Variants in NIM1K observed in about 807,000 individuals in gnomAD.
NIM1K encodes the protein NIM1 serine/threonine protein kinase.
A neutral mutation model predicts 37.1 loss-of-function variants in NIM1K; 35 were observed. The observed-to-expected ratio is 0.94, with a 90% CI of 0.72 to 1.25. NIM1K has a LOEUF of 1.25. Ranked by LOEUF, NIM1K falls within the 50% of genes most tolerant of loss-of-function variation. The probability of loss-of-function intolerance (pLI) is 0.00; values close to 1 mark genes in which losing one functional copy is unlikely to be tolerated. For missense variants in NIM1K, 564 were observed against 548.0 expected, an observed-to-expected ratio of 1.03 and a Z score of -0.29; for synonymous variants, 234 against 206.6, an observed-to-expected ratio of 1.13 and a Z score of -1.14.
At position 43,203,458 on chromosome 5, in the gene NIM1K, C is replaced by T. The variant is rs12658284; in HGVS notation, c.-695+11047C>T. 9.8e-3 allele frequency among the ~76,000 whole-genome samples: 1,490 copies of T among 152,218 alleles called. 85 individuals are homozygous for T. The East Asian group carries it at 0.16, about 16-fold the overall frequency. ...GGCAAACGTTGAACTGTGACGAATC[C>T]GGCTGTTTTTGTACCTCACTTCCAT... On this transcript the variant is annotated intron_variant, in intron 1 of 3. Coordinates refer to ENST00000326035, the MANE Select transcript of NIM1K (RefSeq NM_153361.4).
intron 1 of NIM1K, among the ~76,000 whole-genome samples, chr5:43,224,205 A>G (rs1419167927): frequency 6.6e-6 from 1 of 151,794 alleles, no homozygotes; most frequent in Non-Finnish European, 1.5e-5. Flanking sequence ...CACCCGGCCT[A>G]TTTTCATCAC....
At chr5:43,218,475 G>A (rs1429241900) in intron 1 of NIM1K, among the ~76,000 whole-genome samples, 1 of 152,172 alleles carries the variant, frequency 6.6e-6, no homozygotes, top group African/African-American at 2.4e-5. Context: ...TGAGACCTCA[G>A]GAAGTTTGCA....
chr5:43,195,661 C>CAAAAAAA (rs10556161), intron 1 of NIM1K, among the ~76,000 whole-genome samples: 2 of 112,088 alleles, frequency 1.8e-5, no homozygotes, highest in Non-Finnish European at 1.8e-5. Flanking sequence ...ACTCTGAATC[C>CAAAAAAA]AAAAAAAAAA....
intron 1 of NIM1K, among the ~76,000 whole-genome samples, chr5:43,197,532 AT>A (rs1263264065): frequency 1.3e-5 from 2 of 152,178 alleles, no homozygotes; most frequent in Non-Finnish European, 2.9e-5. Context: ...CTTTTTGGAA[AT>A]TTGAAATGTA....
intron 3 of NIM1K, among the ~76,000 whole-genome samples, chr5:43,278,919 G>C (rs539195307): frequency 1.3e-5 from 2 of 152,322 alleles, no homozygotes; most frequent in East Asian, 3.9e-4. Flanking sequence ...GCTTTGGGCT[G>C]TGGTGAGCTT....
intron 1 of NIM1K, among the ~76,000 whole-genome samples, chr5:43,230,048 G>A (rs1752515940): frequency 6.6e-6 from 1 of 151,896 alleles, no homozygotes; most frequent in Non-Finnish European, 1.5e-5. Context: ...TATAAAACTA[G>A]TTATACATGT....
At chr5:43,250,326 T>C (rs1254210601) in intron 2 of NIM1K, among the ~76,000 whole-genome samples, 2 of 152,352 alleles carry the variant, frequency 1.3e-5, no homozygotes, top group African/African-American at 2.4e-5. Flanking sequence ...GTTTCACATA[T>C]AGCTGTGGCA....
At position 43,280,196 on chromosome 5, in the gene NIM1K, C is replaced by A. The variant is rs35659008; in HGVS notation, c.778C>A (p.Leu260Ile). 72 of 1,614,120 alleles carry A rather than the reference C, an allele frequency of 4.5e-5. No individual in the cohort carries two copies. The African/African-American group carries it at 7.7e-4, about 17-fold the overall frequency. ...CGTGGATATCTGGGCCTTGGGGGTG[C>A]TTTTGTACTTCATGGTGACTGGCAC... ...IYVDIWALGV[L>I]LYFMVTGTMP... Residue 260 changes from leucine to isoleucine, a missense_variant, in exon 4 of 4, where the codon CTT (leucine) becomes ATT (isoleucine). By Grantham distance (5) the Leu-to-Ile change is conservative. Transcript: ENST00000326035.
intron 2 of NIM1K, among the ~76,000 whole-genome samples, chr5:43,270,542 A>G (rs1434073352): frequency 5.3e-5 from 8 of 152,212 alleles, no homozygotes; most frequent in Non-Finnish European, 7.3e-5. Flanking sequence ...GGAGTGGAAG[A>G]AGGCATTAGA....
chr5:43,201,563 G>A (rs997678836), intron 1 of NIM1K, among the ~76,000 whole-genome samples: 3 of 152,124 alleles, frequency 2.0e-5, no homozygotes, highest in Non-Finnish European at 4.4e-5. Context: ...AGCATTCTTA[G>A]AACTGATGAC....
rs563599466 is a variant in NIM1K at position 43,245,285 on chromosome 5, A to T, written c.-491A>T. Reference sequence around the variant, plus strand: ...GCAGCTTGACAGAAAGAGAAGCATGAAATGAAGGTCAGAGATGAGATCCCG... The same window carrying T: ...GCAGCTTGACAGAAAGAGAAGCATGTAATGAAGGTCAGAGATGAGATCCCG... On this transcript the variant is annotated 5_prime_UTR_variant, in exon 2 of 4. An upstream open reading frame in the 5' UTR gains an earlier in-frame stop. Coordinates refer to ENST00000326035, the MANE Select transcript of NIM1K (RefSeq NM_153361.4). The T allele has an allele frequency of 6.5e-6, 1 of 152,744 alleles. No homozygotes were observed. Among genetic ancestry groups the T allele is most frequent in the South Asian group, 2.1e-4 (1 of 4,830 alleles). 9.5% of individuals were successfully genotyped at this position (152,744 alleles called of 1,614,324 possible).
chr5:43,210,925 C>T (rs1360495974), intron 1 of NIM1K, among the ~76,000 whole-genome samples: 1 of 152,184 alleles, frequency 6.6e-6, no homozygotes, highest in Admixed American at 6.5e-5. Context: ...AATCCCAGCA[C>T]TTTGGGAGGC....
chr5:43,251,528 C>T (rs916961443), intron 2 of NIM1K, among the ~76,000 whole-genome samples: 4 of 152,150 alleles, frequency 2.6e-5, no homozygotes, highest in African/African-American at 2.4e-5. Context: ...AACCTGTTTA[C>T]AGGAATTCAC....
intron 1 of NIM1K, chr5:43,207,046 A>G (rs533579188): frequency 5.5e-6 from 4 of 731,358 alleles, no homozygotes; most frequent in African/African-American, 1.7e-5. Flanking sequence ...AGGAGGAGCC[A>G]TCAACAGATA....
At chr5:43,258,738 T>C (rs931469898) in intron 2 of NIM1K, among the ~76,000 whole-genome samples, 3 of 152,198 alleles carry the variant, frequency 2.0e-5, no homozygotes, top group Non-Finnish European at 4.4e-5. Flanking sequence ...CCACTGAGTC[T>C]GGCTCGTATG....
chr5:43,193,964 A>G (rs986193306), intron 1 of NIM1K, among the ~76,000 whole-genome samples: 5 of 152,192 alleles, frequency 3.3e-5, no homozygotes, highest in African/African-American at 1.2e-4. Flanking sequence ...AAGTACTAAA[A>G]TCCCAAGGCA....
rs758957485 is a variant in NIM1K, at chr5:43,277,336, G to C, written c.561+11G>C. ...GCCGTGAAGCACATGGTGAGCAGGG[G>C]TGACGAGTGAGAACCTTGCTCCCAT... On this transcript the variant is annotated intron_variant, in intron 3 of 3. Coordinates refer to ENST00000326035, the MANE Select transcript of NIM1K (RefSeq NM_153361.4). 6.2e-7 allele frequency: 1 copy of C among 1,610,774 alleles called. No individual in the cohort carries two copies. The highest frequency in any genetic ancestry group is 1.3e-5 in the African/African-American group (1 of 74,876).
intron 1 of NIM1K, among the ~76,000 whole-genome samples, chr5:43,226,638 A>G (rs1408741058): frequency 6.6e-6 from 1 of 152,226 alleles, no homozygotes; most frequent in African/African-American, 2.4e-5. Flanking sequence ...GAGGAACTAG[A>G]TGGAGGACAT....
chr5:43,242,598 C>T lies in NIM1K; in HGVS notation c.-694-2484C>T, dbSNP rs185675983. On this transcript the variant is annotated intron_variant, in intron 1 of 3. Coordinates refer to ENST00000326035, the MANE Select transcript of NIM1K (RefSeq NM_153361.4). ...GGAGCCCAAATCTTAAAAATGTGGA[C>T]TGAAATAAACTGAGATAGTTAAATT... Among the ~76,000 whole-genome samples, 134 of 151,946 alleles carry T rather than the reference C, an allele frequency of 8.8e-4. 2 individuals are homozygous for T. The highest frequency in any genetic ancestry group is 3.1e-3 in the African/African-American group (128 of 41,276).
Sources: allele counts gnomAD v4.1 joint callset (sites outside exome capture counted in the v4.1 genomes callset), GRCh38; gene constraint gnomAD v4.1.1; transcripts MANE v1.5; gene names NCBI Gene and HGNC (gene_info 2026-07-23, HGNC 2026-07-21).